C22orf31: variants seen among roughly 807,000 people sequenced by gnomAD.
The protein encoded by C22orf31 is uncharacterized protein C22orf31.
C22orf31 carries 11 observed loss-of-function variants against 15.0 expected under a neutral mutation model. The observed-to-expected ratio is 0.73, with a 90% CI of 0.46 to 1.21. The LOEUF is 1.21. Ranked by LOEUF, C22orf31 falls within the 50% of genes most tolerant of loss-of-function variation. C22orf31 has a pLI of 0.00. For missense variants in C22orf31, 340 were observed against 347.2 expected (o/e 0.98, Z 0.17); for synonymous variants, 132 against 133.3 (o/e 0.99, Z 0.07).
the C22orf31 span, among the ~76,000 whole-genome samples, chr22:29,070,265 A>C: frequency 6.6e-6 from 1 of 152,240 alleles, no homozygotes; most frequent in Middle Eastern, 3.4e-3. Context: ...AATTCTTAAT[A>C]AGTTTGGACA....
chr22:29,063,719 A>G (rs1442886122), upstream of C22orf31, among the ~76,000 whole-genome samples: 1 of 152,206 alleles, frequency 6.6e-6, no homozygotes, highest in African/African-American at 2.4e-5. Flanking sequence ...CTTTATTAGC[A>G]TCATGTCATG....
At chr22:29,073,305 G>T in the C22orf31 span, 1 of 499,656 alleles carries the variant, frequency 2.0e-6, no homozygotes, top group African/African-American at 2.1e-5. This position sits in a 1 kb window ranked among gnomAD's most constrained non-coding sequence, Gnocchi z 4.4. Context: ...CGGCCTGAGA[G>T]CCCCCTCCCT....
the C22orf31 span, among the ~76,000 whole-genome samples, chr22:29,070,722 G>A: frequency 6.6e-6 from 1 of 152,252 alleles, no homozygotes; most frequent in East Asian, 1.9e-4. Flanking sequence ...TCTCACCACT[G>A]CACTCCAGTG....
chr22:29,066,066 T>G (rs74277914), upstream of C22orf31, among the ~76,000 whole-genome samples: 2,980 of 151,884 alleles, frequency 0.02, 172 homozygotes, highest in South Asian at 0.19. Context: ...TTTTTTTTTG[T>G]CTTTCCTTTA....
chr22:29,065,094 C>G (rs2037420486), upstream of C22orf31, among the ~76,000 whole-genome samples: 2 of 152,048 alleles, frequency 1.3e-5, no homozygotes, highest in South Asian at 4.2e-4. Flanking sequence ...ACCTCGTGAT[C>G]TACCAGCCTT....
the C22orf31 span, among the ~76,000 whole-genome samples, chr22:29,068,503 C>T: frequency 4.0e-5 from 6 of 149,036 alleles, no homozygotes; most frequent in South Asian, 2.1e-4. Flanking sequence ...CTCTGCCTCT[C>T]GGGTTCACAC....
chr22:29,072,668 G>C, the C22orf31 span, among the ~76,000 whole-genome samples: 20 of 152,320 alleles, frequency 1.3e-4, no homozygotes, highest in Non-Finnish European at 2.6e-4. Context: ...AGCTGAGCTC[G>C]CGCGTGGGTC....
At chr22:29,066,723 G>C (rs2037434264), upstream of C22orf31, among the ~76,000 whole-genome samples, 1 of 151,622 alleles carries the variant, frequency 6.6e-6, no homozygotes, top group Non-Finnish European at 1.5e-5. Context: ...ACCATGCCCA[G>C]CTAATTTTTG....
At chr22:29,063,602 C>T (rs1015004981), upstream of C22orf31, among the ~76,000 whole-genome samples, 2 of 152,218 alleles carry the variant, frequency 1.3e-5, no homozygotes, top group African/African-American at 4.8e-5. Flanking sequence ...TAACCCTCAG[C>T]CTTCCTTAGA....
At chr22:29,071,299 T>A in the C22orf31 span, among the ~76,000 whole-genome samples, 1 of 152,208 alleles carries the variant, frequency 6.6e-6, no homozygotes, top group African/African-American at 2.4e-5. Flanking sequence ...TTCTTCTTGC[T>A]ACAGCGCTGA....
upstream of C22orf31, among the ~76,000 whole-genome samples, chr22:29,066,827 C>T (rs2037435346): frequency 6.6e-6 from 1 of 152,064 alleles, no homozygotes; most frequent in African/African-American, 2.4e-5. Context: ...TCCCAAAGTG[C>T]TGGGATTACA....
upstream of C22orf31, among the ~76,000 whole-genome samples, chr22:29,062,189 T>C (rs1428140083): frequency 1.3e-5 from 2 of 152,170 alleles, no homozygotes; most frequent in African/African-American, 4.8e-5. Flanking sequence ...TTAAGAAGTA[T>C]GTTTTGCAGG....
chr22:29,064,973 C>G (rs577792975), upstream of C22orf31, among the ~76,000 whole-genome samples: 1 of 152,162 alleles, frequency 6.6e-6, no homozygotes, highest in East Asian at 1.9e-4. Context: ...CCTGCCTCAG[C>G]CTCCCGAGTA....
chr22:29,065,162 T>A (rs134561), upstream of C22orf31, among the ~76,000 whole-genome samples: 93,259 of 152,010 alleles, frequency 0.61, 28,843 homozygotes, highest in Middle Eastern at 0.75. Flanking sequence ...CATGTGAATG[T>A]TATTAATATT....
the C22orf31 span, among the ~76,000 whole-genome samples, chr22:29,067,641 G>T: frequency 1.3e-5 from 2 of 151,926 alleles, no homozygotes; most frequent in Non-Finnish European, 2.9e-5. Flanking sequence ...CTGGGGTTTT[G>T]CCATATTGGC....
the C22orf31 span, among the ~76,000 whole-genome samples, chr22:29,068,759 CT>C: frequency 0.041 from 4,648 of 112,670 alleles, 50 homozygotes; most frequent in East Asian, 0.097. Flanking sequence ...CAACCTGGTA[CT>C]TTTTTTTTTT....
At chr22:29,062,886 G>T (rs529505054), upstream of C22orf31, among the ~76,000 whole-genome samples, 2 of 152,206 alleles carry the variant, frequency 1.3e-5, no homozygotes, top group Admixed American at 6.5e-5. Flanking sequence ...GAAAGGGTTT[G>T]TCTTTGGGAA....
the C22orf31 span, among the ~76,000 whole-genome samples, chr22:29,073,803 C>T: frequency 2.0e-5 from 3 of 152,064 alleles, no homozygotes; most frequent in African/African-American, 7.2e-5. This position sits in a 1 kb window ranked among gnomAD's most constrained non-coding sequence, Gnocchi z 4.4. Context: ...TCCCCAGCGA[C>T]CCCTCCCGGG....
chr22:29,063,848 C>A (rs890170697), upstream of C22orf31, among the ~76,000 whole-genome samples: 3 of 152,130 alleles, frequency 2.0e-5, no homozygotes, highest in East Asian at 1.9e-4. Context: ...TGAACCCAAC[C>A]AAAGTCTATA....
Sources: allele counts gnomAD v4.1 joint callset (sites outside exome capture counted in the v4.1 genomes callset), GRCh38; gene constraint gnomAD v4.1.1; non-coding constraint Gnocchi (gnomAD v3.1); transcripts MANE v1.5; gene names NCBI Gene and HGNC (gene_info 2026-07-23, HGNC 2026-07-21).